Variants in SCN10A observed in about 807,000 individuals in gnomAD.
The protein encoded by SCN10A is sodium channel protein type 10 subunit alpha.
SCN10A carries 162 observed loss-of-function variants against 170.7 expected under a neutral mutation model. The observed-to-expected ratio is 0.95, with a 90% CI of 0.84 to 1.08. The LOEUF is 1.08. Ranked by LOEUF, SCN10A falls within the 50% of genes least tolerant of loss-of-function variation. The pLI is 0.00. For missense variants in SCN10A, 2,527 were observed against 2,436.9 expected, an observed-to-expected ratio of 1.04 and a Z score of -0.78; for synonymous variants, 985 against 904.6, an observed-to-expected ratio of 1.09 and a Z score of -1.59.
At position 38,763,611 on chromosome 3, in the gene SCN10A, G is replaced by T; in HGVS notation, c.600-15C>A. Reference sequence around the variant, plus strand: ...TGCCAACATATCTGTAGGACCAGAAGTTAGTCAGCATCTCTGCAAGCAAGG... The same window carrying T: ...TGCCAACATATCTGTAGGACCAGAATTTAGTCAGCATCTCTGCAAGCAAGG... On this transcript the variant is annotated splice_polypyrimidine_tract_variant and intron_variant, in intron 5 of 27. Coordinates refer to ENST00000449082, the MANE Select transcript of SCN10A (RefSeq NM_006514.4). 1 of 1,601,352 alleles carries T rather than the reference G, an allele frequency of 6.2e-7. No individual in the cohort carries two copies. The highest frequency in any genetic ancestry group is 8.6e-7 in the Non-Finnish European group (1 of 1,168,600).
chr3:38,697,928 G>A lies in SCN10A; in HGVS notation c.5292C>T (p.Leu1764=). 2 of 1,614,138 alleles carry A rather than the reference G, an allele frequency of 1.2e-6. No individual in the cohort carries two copies. The highest frequency in any genetic ancestry group is 2.2e-5 in the East Asian group (1 of 44,886). Residue 1764 remains leucine (L), a synonymous_variant, in exon 28 of 28, where the codon CTC becomes CTT. Transcript: ENST00000449082. ...EATQFITFSA[L]SDFADTLSGP... is the part of the protein sequence containing the mutation. The stretch of plus-strand genomic sequence containing the variant: ...CAGAGAGAGTGTCTGCAAAGTCCGA[G>A]AGAGCAGAAAAGGTAATAAACTGAG...
At chr3:38,699,542 C>G (rs1425189363) in intron 27 of SCN10A, among the ~76,000 whole-genome samples, 1 of 152,128 alleles carries the variant, frequency 6.6e-6, no homozygotes, top group Non-Finnish European at 1.5e-5. Flanking sequence ...CCTACTTGCT[C>G]TTTGTTGTTA....
chr3:38,730,216 G>A (rs1029844640), intron 15 of SCN10A, among the ~76,000 whole-genome samples: 2 of 152,164 alleles, frequency 1.3e-5, no homozygotes, highest in Non-Finnish European at 2.9e-5. Context: ...GAGAATGCAA[G>A]GAAAATTGAA....
rs2064179337 is a variant in SCN10A, at chr3:38,784,851, G to A, written c.470+4105C>T. 2.0e-5 allele frequency among the ~76,000 whole-genome samples: 3 copies of A among 151,938 alleles called. No homozygotes were observed. The South Asian group carries it at 6.2e-4, about 32-fold the overall frequency. ...CATACACCAATAACAGACAAACCGAGAGCCAAATCATGAGTGAACTCCCAT... is the reference window on the plus strand; with the variant it reads ...CATACACCAATAACAGACAAACCGAAAGCCAAATCATGAGTGAACTCCCAT... On this transcript the variant is annotated intron_variant, in intron 4 of 27. Coordinates refer to ENST00000449082, the MANE Select transcript of SCN10A (RefSeq NM_006514.4).
chr3:38,717,794 T>C (rs190158143), intron 21 of SCN10A, among the ~76,000 whole-genome samples: 2 of 152,334 alleles, frequency 1.3e-5, no homozygotes, highest in South Asian at 2.1e-4. Context: ...CTCACCCTGC[T>C]TGCAGAAACC....
At position 38,698,326 on chromosome 3, in the gene SCN10A, C is replaced by T; in HGVS notation, c.4894G>A (p.Val1632Met). Residue 1632 changes from valine to methionine, a missense_variant, in exon 28 of 28, where the codon GTG becomes ATG. Coordinates refer to ENST00000449082, the MANE Select transcript of SCN10A (RefSeq NM_006514.4). ...TCGTCGATGCCAGCCTCCCACCTCACATGGGGAAAGCTGGACATACCGAAG... is the reference window on the plus strand; with the variant it reads ...TCGTCGATGCCAGCCTCCCACCTCATATGGGGAAAGCTGGACATACCGAAG... Reference protein sequence around the residue: ...SIFGMSSFPHVRWEAGIDDMF... With the variant: ...SIFGMSSFPHMRWEAGIDDMF... 1 of 1,614,012 alleles carries T rather than the reference C, an allele frequency of 6.2e-7. No homozygotes were observed. Among genetic ancestry groups the T allele is most frequent in the Middle Eastern group, 1.7e-4 (1 of 6,060 alleles).
At chr3:38,790,021 G>A (rs2064260932) in intron 3 of SCN10A, among the ~76,000 whole-genome samples, 1 of 152,094 alleles carries the variant, frequency 6.6e-6, no homozygotes, top group African/African-American at 2.4e-5. Flanking sequence ...GCCTTGATGT[G>A]TCTAGTTTTA....
chr3:38,769,239 C>CTTTTTTTTTTTTTTTTTTTTTTT (rs56406440), intron 5 of SCN10A, among the ~76,000 whole-genome samples: 1 of 109,984 alleles, frequency 9.1e-6, no homozygotes, highest in Non-Finnish European at 1.7e-5. Flanking sequence ...CTTCTGAATT[C>CTTTTTTTTTTTTTTTTTTTTTTT]TTTTTTTTTT....
chr3:38,704,648 T>TA (rs1462243580), intron 26 of SCN10A, among the ~76,000 whole-genome samples: 1 of 152,212 alleles, frequency 6.6e-6, no homozygotes, highest in East Asian at 1.9e-4. Flanking sequence ...CAGGGAATGT[T>TA]AAAGAATAAA....
intron 1 of SCN10A, among the ~76,000 whole-genome samples, chr3:38,810,934 C>T (rs2064437739): frequency 6.6e-6 from 1 of 152,174 alleles, no homozygotes; most frequent in South Asian, 2.1e-4. Context: ...TTTTTTTCTA[C>T]ACATTTTTAC....
chr3:38,753,585 C>T (rs991997628), intron 11 of SCN10A, among the ~76,000 whole-genome samples: 1 of 152,152 alleles, frequency 6.6e-6, no homozygotes, highest in Non-Finnish European at 1.5e-5. Context: ...AAATAGAGTA[C>T]TCTCTGCCTG....
At chr3:38,702,957 T>C (rs1216035391) in intron 26 of SCN10A, among the ~76,000 whole-genome samples, 4 of 152,178 alleles carry the variant, frequency 2.6e-5, no homozygotes, top group African/African-American at 9.7e-5. Context: ...TTCCCCACGC[T>C]TTGACCTTCT....
intron 4 of SCN10A, among the ~76,000 whole-genome samples, chr3:38,775,317 A>G (rs779266099): frequency 6.6e-6 from 1 of 152,178 alleles, no homozygotes; most frequent in Non-Finnish European, 1.5e-5. Flanking sequence ...TACCTACTAA[A>G]GGTGGAATCA....
At position 38,752,440 on chromosome 3, in the gene SCN10A, G is replaced by C. The variant is rs200714519; in HGVS notation, c.1534C>G (p.Arg512Gly). 48 of 1,612,814 alleles carry C rather than the reference G, an allele frequency of 3.0e-5. No homozygotes were observed. The highest frequency in any genetic ancestry group is 3.9e-5 in the Non-Finnish European group (46 of 1,179,538). ...GSVFHFRSPG[R>G]DISLPEGVTD... is the part of the protein sequence containing the mutation. ...ACTCCCTCAGGGAGTGAGATATCTC[G>C]GCCAGGGGACCGGAAATGGAACACA... The change falls in exon 12 of 28, where the codon CGA becomes GGA. Residue 512 changes from arginine to glycine, a missense_variant. Physicochemically the swap from Arg to Gly is moderately radical, Grantham distance 125. Coordinates refer to ENST00000449082, the MANE Select transcript of SCN10A (RefSeq NM_006514.4).
chr3:38,749,829 T>C (rs2063728632), intron 13 of SCN10A, among the ~76,000 whole-genome samples: 1 of 152,250 alleles, frequency 6.6e-6, no homozygotes, highest in East Asian at 1.9e-4. Context: ...AAGCAGATGC[T>C]AATTTGAACA....
In SCN10A at chr3:38,792,178, A is replaced by G; in HGVS notation, c.271-10T>C. On this transcript the variant is annotated splice_polypyrimidine_tract_variant and intron_variant, in intron 2 of 27. Coordinates refer to ENST00000449082, the MANE Select transcript of SCN10A (RefSeq NM_006514.4). Reference sequence around the variant, plus strand: ...TCAGCACCATAAATGTCTGAAACAAAACAAAACAGAAAGTGGACCTCCAAT... The same window carrying G: ...TCAGCACCATAAATGTCTGAAACAAGACAAAACAGAAAGTGGACCTCCAAT... 4 of 1,611,858 alleles carry G rather than the reference A, an allele frequency of 2.5e-6. No homozygotes were observed. The highest frequency in any genetic ancestry group is 3.4e-6 in the Non-Finnish European group (4 of 1,179,294).
chr3:38,757,036 C>G lies in SCN10A; in HGVS notation c.1074G>C (p.Trp358Cys), dbSNP rs2063815707. Reference protein sequence around the residue: ...SLFRLMTQDSWERLYQQTLRT... With the variant: ...SLFRLMTQDSCERLYQQTLRT... ...TCAGTACCTGCTGGTAGAGGCGTTC[C>G]CAGGAATCCTGTGTCATGAGGCGGA... The change falls in exon 9 of 28, where the codon TGG (tryptophan) becomes TGC (cysteine). Residue 358 changes from tryptophan (W) to cysteine (C), a missense_variant. Trp to Cys is a radical substitution (Grantham distance 215). Coordinates refer to ENST00000449082, the MANE Select transcript of SCN10A (RefSeq NM_006514.4). 1.2e-6 allele frequency: 2 copies of G among 1,611,526 alleles called. No individual in the cohort carries two copies. The highest frequency in any genetic ancestry group is 4.5e-5 in the East Asian group (2 of 44,880).
chr3:38,769,315 C>T (rs187780686), intron 5 of SCN10A, among the ~76,000 whole-genome samples: 239 of 145,000 alleles, frequency 1.6e-3, no homozygotes, highest in African/African-American at 5.4e-3. Context: ...CTCAGCTCAC[C>T]GCAACCTCTG....
Position 38,788,997 on chromosome 3 carries a change from A to G in SCN10A, c.429T>C (p.Asn143=), listed in dbSNP as rs1037229953. 1.2e-6 allele frequency: 2 copies of G among 1,612,366 alleles called. No homozygotes were observed. Among genetic ancestry groups the G allele is most frequent in the Non-Finnish European group, 1.7e-6 (2 of 1,178,648 alleles). ...GGTCAGTTCGGGTCATGCACACACA[A>G]TTAACCAAAATAGTGACCGTAATAA... The part of the protein sequence containing the change: ...SLFITVTILV[N]CVCMTRTDLP... The change falls in exon 4 of 28, where the codon AAT becomes AAC. Residue 143 remains asparagine, a synonymous_variant. Coordinates refer to ENST00000449082, the MANE Select transcript of SCN10A (RefSeq NM_006514.4).
Sources: gnomAD v4.1 joint callset for allele counts (sites outside exome capture counted in the v4.1 genomes callset) on GRCh38, gnomAD v4.1.1 for gene constraint, MANE v1.5 for transcripts, NCBI Gene and HGNC (gene_info 2026-07-23, HGNC 2026-07-21) for gene names.